Variants in CCSER1 observed in about 807,000 individuals in gnomAD.
CCSER1 encodes serine-rich coiled-coil domain-containing protein 1.
Under a neutral mutation model 82.0 loss-of-function variants are expected in CCSER1, and 41 were observed. The observed-to-expected ratio is 0.50, with a 90% confidence interval of 0.39 to 0.65. The LOEUF (loss-of-function observed/expected upper bound fraction) is 0.65, where lower values mean the gene tolerates loss of function less well. Among genes scored for constraint, CCSER1 ranks in the 30% least tolerant of loss-of-function variants. CCSER1 has a pLI of 0.00. For synonymous variants in CCSER1, 414 were observed against 383.9 expected, an observed-to-expected ratio of 1.08 and a Z score of -0.92; for missense variants, 1,119 against 1,064.2, an observed-to-expected ratio of 1.05 and a Z score of -0.72.
chr4:91,464,017 T>C (rs899429292), intron 10 of CCSER1, among the ~76,000 whole-genome samples: 18 of 152,038 alleles, frequency 1.2e-4, no homozygotes, highest in African/African-American at 4.1e-4. Flanking sequence ...CACAAAGATA[T>C]TCCTCGAGAA....
At chr4:90,492,561 C>T (rs181283832) in intron 5 of CCSER1, among the ~76,000 whole-genome samples, 1 of 152,086 alleles carries the variant, frequency 6.6e-6, no homozygotes, top group African/African-American at 2.4e-5. Flanking sequence ...CTTCTGTTAG[C>T]TTTTGAATGT....
At chr4:91,158,508 C>T (rs980726332) in intron 10 of CCSER1, among the ~76,000 whole-genome samples, 1 of 151,902 alleles carries the variant, frequency 6.6e-6, no homozygotes, top group African/African-American at 2.4e-5. Context: ...TATACTATAT[C>T]CTCTCTACTG....
intron 9 of CCSER1, among the ~76,000 whole-genome samples, chr4:91,042,614 C>CT (rs1206635545): frequency 6.6e-6 from 1 of 152,142 alleles, no homozygotes; most frequent in Admixed American, 6.6e-5. Flanking sequence ...CTAAAATCTG[C>CT]TTTTTTCTTC....
At position 90,429,311 on chromosome 4, in the gene CCSER1, C is replaced by A. The variant is rs184275783; in HGVS notation, c.1603+29182C>A. Reference sequence around the variant, plus strand: ...CTCACATTATTGTAACGACACAGAGCCATTGGTTATATAAAAAGCTGTTTG... The same window carrying A: ...CTCACATTATTGTAACGACACAGAGACATTGGTTATATAAAAAGCTGTTTG... On this transcript the variant is annotated intron_variant, in intron 4 of 10. Transcript: ENST00000509176. Among the ~76,000 whole-genome samples, 323 of 151,742 alleles carry A rather than the reference C, an allele frequency of 2.1e-3. 1 individual carries two copies. The highest frequency in any genetic ancestry group is 7.4e-3 in the African/African-American group (306 of 41,466).
chr4:90,196,495 C>A (rs1027298557), intron 1 of CCSER1, among the ~76,000 whole-genome samples: 3 of 151,986 alleles, frequency 2.0e-5, no homozygotes, highest in African/African-American at 7.2e-5. Context: ...AGTATAAGGG[C>A]CCAGCCTTGT....
At chr4:91,522,127 T>A (rs991505158) in intron 10 of CCSER1, among the ~76,000 whole-genome samples, 2 of 152,138 alleles carry the variant, frequency 1.3e-5, no homozygotes, top group African/African-American at 4.8e-5. Flanking sequence ...GCACCATTTA[T>A]TATAGGGAAT....
rs539579763 is a variant in CCSER1 at position 91,467,988 on chromosome 4, C to T, written c.2218-130584C>T. ...AACTAGAAGTGCCATTTGACCCAGC[C>T]ATCCTATTACTGGGTATATACCCAA... On this transcript the variant is annotated intron_variant, in intron 10 of 10. Transcript: ENST00000509176. Among the ~76,000 whole-genome samples, 4 of 152,224 alleles carry T rather than the reference C, an allele frequency of 2.6e-5. No homozygotes were observed. The South Asian group carries it at 8.3e-4, about 32-fold the overall frequency.
intron 5 of CCSER1, among the ~76,000 whole-genome samples, chr4:90,575,024 T>C (rs1381998834): frequency 6.6e-6 from 1 of 152,194 alleles, no homozygotes; most frequent in East Asian, 1.9e-4. Context: ...TGCCTTTAAG[T>C]TTTTGTCTCT....
chr4:91,469,110 A>C (rs1227922943), intron 10 of CCSER1, among the ~76,000 whole-genome samples: 2 of 152,234 alleles, frequency 1.3e-5, no homozygotes, highest in African/African-American at 2.4e-5. Context: ...TAATATACCA[A>C]ATCTACATTG....
At chr4:91,496,106 C>T (rs1241151998) in intron 10 of CCSER1, among the ~76,000 whole-genome samples, 1 of 151,502 alleles carries the variant, frequency 6.6e-6, no homozygotes. Flanking sequence ...CTGAGAATCT[C>T]TAAGTGTCAA....
intron 8 of CCSER1, among the ~76,000 whole-genome samples, chr4:90,819,243 C>A: frequency 6.6e-6 from 1 of 151,974 alleles, no homozygotes; most frequent in East Asian, 1.9e-4. Flanking sequence ...GTCATAAGGA[C>A]CCTACCTCAT....
intron 10 of CCSER1, among the ~76,000 whole-genome samples, chr4:91,133,143 C>T (rs1004704895): frequency 6.6e-6 from 1 of 152,162 alleles, no homozygotes; most frequent in Admixed American, 6.6e-5. Context: ...CTTTTATTCT[C>T]ACCTTCTCTT....
intron 10 of CCSER1, among the ~76,000 whole-genome samples, chr4:91,575,434 T>C (rs1286604951): frequency 6.6e-6 from 1 of 151,902 alleles, no homozygotes; most frequent in East Asian, 1.9e-4. Context: ...GATAACCCAT[T>C]GAATAAGAGA....
At chr4:90,687,740 C>A (rs1735079632) in intron 6 of CCSER1, among the ~76,000 whole-genome samples, 1 of 151,990 alleles carries the variant, frequency 6.6e-6, no homozygotes, top group Admixed American at 6.6e-5. Flanking sequence ...AACAGCCACC[C>A]CAAACGAGCT....
intron 8 of CCSER1, among the ~76,000 whole-genome samples, chr4:90,901,711 A>G (rs2150152039): frequency 6.6e-6 from 1 of 152,122 alleles, no homozygotes; most frequent in Admixed American, 6.6e-5. Context: ...GCTGCCCTTA[A>G]GATTTTTTTC....
intron 8 of CCSER1, among the ~76,000 whole-genome samples, chr4:90,846,477 T>G (rs984005505): frequency 4.1e-4 from 42 of 102,870 alleles, no homozygotes; most frequent in African/African-American, 1.2e-3. Context: ...TATAGGTACA[T>G]GTGATATTTT....
chr4:91,595,549 G>A (rs1480656077), intron 10 of CCSER1, among the ~76,000 whole-genome samples: 2 of 151,974 alleles, frequency 1.3e-5, no homozygotes, highest in African/African-American at 4.8e-5. Flanking sequence ...TGTGATTAAG[G>A]TAACTACATT....
At chr4:90,740,691 C>T (rs1263733333) in intron 7 of CCSER1, among the ~76,000 whole-genome samples, 1 of 152,096 alleles carries the variant, frequency 6.6e-6, no homozygotes, top group East Asian at 1.9e-4. Context: ...ACAGTTCACA[C>T]ATTCATTTTC....
intron 1 of CCSER1, among the ~76,000 whole-genome samples, chr4:90,283,498 A>G (rs1729253497): frequency 6.6e-6 from 1 of 152,046 alleles, no homozygotes; most frequent in East Asian, 1.9e-4. Context: ...TTAAAGATCT[A>G]TCATTTCATG....
Sources: gnomAD v4.1 joint callset for allele counts (sites outside exome capture counted in the v4.1 genomes callset) on GRCh38, gnomAD v4.1.1 for gene constraint, MANE v1.5 for transcripts, NCBI Gene and HGNC (gene_info 2026-07-23, HGNC 2026-07-21) for gene names.